Variants in RAB40C observed in about 807,000 individuals in gnomAD.
RAB40C encodes RAB40C, member RAS oncogene family, also known as ras-related protein Rab-40C.
RAB40C carries 8 observed loss-of-function variants against 28.1 expected under a neutral mutation model. The observed-to-expected ratio is 0.28, with a 90% CI of 0.17 to 0.51. The LOEUF (loss-of-function observed/expected upper bound fraction) is 0.51. RAB40C is among the 20% of genes least tolerant of loss of function. The probability of loss-of-function intolerance (pLI) is 0.97; values close to 1 mark genes in which losing one functional copy is unlikely to be tolerated. For synonymous variants in RAB40C, 201 were observed against 171.7 expected, an observed-to-expected ratio of 1.17 and a Z score of -1.34; for missense variants, 288 against 405.9, an observed-to-expected ratio of 0.71 and a Z score of 2.50.
At position 599,996 on chromosome 16, in the gene RAB40C, C is replaced by T. The variant is rs112289264; in HGVS notation, c.142+9563C>T. Among the ~76,000 whole-genome samples, 8 of 128,414 alleles carry T rather than the reference C, an allele frequency of 6.2e-5. No individual in the cohort carries two copies. The South Asian group carries it at 1.1e-3, about 18-fold the overall frequency. The allele number at this position is 128,414 out of a possible 152,430, so 84.2% of individuals were successfully genotyped here. The stretch of plus-strand genomic sequence containing the variant: ...CAGCGTGGATTCGCAAGGTTTTGTT[C>T]CCTCGTGGCATCAGTCAGCGTGGAT... On this transcript the variant is annotated intron_variant, in intron 1 of 5. Transcript: ENST00000248139.
chr16:621,452 G>A (rs1454473677), intron 3 of RAB40C, among the ~76,000 whole-genome samples: 1 of 152,244 alleles, frequency 6.6e-6, no homozygotes, highest in Non-Finnish European at 1.5e-5. Flanking sequence ...CCGCGGCCTG[G>A]GTCTTGCAGA....
At chr16:623,701 C>A (rs1473997446) in intron 3 of RAB40C, among the ~76,000 whole-genome samples, 2 of 151,718 alleles carry the variant, frequency 1.3e-5, no homozygotes, top group African/African-American at 4.8e-5. Context: ...GATCCCAGCA[C>A]TTTAGGAAGT....
In RAB40C at chr16:590,333, G is replaced by T; in HGVS notation, c.42G>T (p.Leu14=). ...GTCCGGTGAAGAGCTACGACTACCT[G>T]CTCAAGTTCCTGCTGGTGGGCGACA... ...QGSPVKSYDY[L]LKFLLVGDSD... is the part of the protein sequence containing the mutation. The change falls in exon 1 of 6, where the codon CTG becomes CTT. Residue 14 remains leucine (L), a synonymous_variant. Transcript: ENST00000248139. 6.3e-7 allele frequency: 1 copy of T among 1,594,876 alleles called. No homozygotes were observed. Among genetic ancestry groups the T allele is most frequent in the Non-Finnish European group, 8.5e-7 (1 of 1,172,580 alleles).
intron 1 of RAB40C, among the ~76,000 whole-genome samples, chr16:606,679 A>C (rs1358936531): frequency 6.6e-6 from 1 of 152,164 alleles, no homozygotes; most frequent in African/African-American, 2.4e-5. Flanking sequence ...GTGCAAGCCG[A>C]GCCTTTCCCG....
chr16:614,865 T>C (rs1372361703), intron 1 of RAB40C, among the ~76,000 whole-genome samples: 1 of 152,038 alleles, frequency 6.6e-6, no homozygotes, highest in Non-Finnish European at 1.5e-5. Context: ...CGCATCCCGA[T>C]GGTGAACTGC....
At chr16:591,217 TCA>T (rs72186889) in intron 1 of RAB40C, among the ~76,000 whole-genome samples, 1,811 of 132,772 alleles carry the variant, frequency 0.014, 41 homozygotes, top group African/African-American at 0.049. Flanking sequence ...GTCTGGGATC[TCA>T]GGGGAAGGTG....
rs190445742 is a variant in RAB40C at position 599,117 on chromosome 16, A to G, written c.142+8684A>G. ...GGACTCTGAACACAAACACAGTGAC[A>G]CTGATCAGGGTTGCCGAGGTGCTGT... is the stretch of plus-strand genomic sequence containing the variant. On this transcript the variant is annotated intron_variant, in intron 1 of 5. Coordinates refer to ENST00000248139, the MANE Select transcript of RAB40C (RefSeq NM_021168.5). 7.2e-5 allele frequency among the ~76,000 whole-genome samples: 11 copies of G among 152,320 alleles called. No individual in the cohort carries two copies. The East Asian group carries it at 1.2e-3, about 16-fold the overall frequency.
intron 1 of RAB40C, among the ~76,000 whole-genome samples, chr16:615,382 A>G (rs1212340117): frequency 6.6e-6 from 1 of 152,218 alleles, no homozygotes; most frequent in Non-Finnish European, 1.5e-5. Context: ...ACACACACAC[A>G]AGCCCACTGG....
At chr16:625,101 C>G in intron 3 of RAB40C, 3 of 1,315,360 alleles carry the variant, frequency 2.3e-6, no homozygotes, top group Non-Finnish European at 3.0e-6. Context: ...TTAGCTTCCA[C>G]AGCTGCACGT....
intron 4 of RAB40C, 101 bp from the exon 5 acceptor site, chr16:625,798 C>T (rs1596418310): frequency 8.2e-7 from 1 of 1,217,710 alleles, no homozygotes. Context: ...CTCCCACGGC[C>T]CTCACCCCAT....
chr16:592,910 T>A (rs55846655), intron 1 of RAB40C, among the ~76,000 whole-genome samples: 26,770 of 152,240 alleles, frequency 0.18, 2,575 homozygotes, highest in South Asian at 0.26. Context: ...ACATGCTCAC[T>A]GAAGTGGGGC....
chr16:618,181 C>T lies in RAB40C; in HGVS notation c.204-19C>T. On this transcript the variant is annotated intron_variant, in intron 2 of 5. Transcript: ENST00000248139. Reference sequence around the variant, plus strand: ...ACAGGGACCACAGTCCCGGCCCCTCCCCTCCCCGTATGTTTCAGGGACACG... The same window carrying T: ...ACAGGGACCACAGTCCCGGCCCCTCTCCTCCCCGTATGTTTCAGGGACACG... The T allele has an allele frequency of 1.9e-6, 3 of 1,610,728 alleles. No individual in the cohort carries two copies. Among genetic ancestry groups the T allele is most frequent in the Non-Finnish European group, 2.5e-6 (3 of 1,178,900 alleles).
At chr16:624,812 T>C (rs2036793604) in intron 3 of RAB40C, 1 of 985,450 alleles carries the variant, frequency 1.0e-6, no homozygotes, top group South Asian at 4.7e-5. Context: ...TGTGCTCCCC[T>C]GTGCTGCTGG....
At chr16:596,878 G>C (rs2036137886) in intron 1 of RAB40C, among the ~76,000 whole-genome samples, 1 of 152,180 alleles carries the variant, frequency 6.6e-6, no homozygotes. Flanking sequence ...GGAGGCTTCT[G>C]AGCCGACCTG....
At chr16:621,048 T>C (rs979482309) in intron 3 of RAB40C, among the ~76,000 whole-genome samples, 12 of 152,348 alleles carry the variant, frequency 7.9e-5, no homozygotes, top group African/African-American at 2.9e-4. Context: ...ACTGGTTATG[T>C]CTTTGTTTTG....
At chr16:622,739 C>T (rs1393724826) in intron 3 of RAB40C, among the ~76,000 whole-genome samples, 5 of 152,220 alleles carry the variant, frequency 3.3e-5, no homozygotes, top group South Asian at 2.1e-4. Context: ...CTCTTGACCT[C>T]GTGATCCGCC....
At chr16:596,253 G>A (rs2036122293) in intron 1 of RAB40C, 11 of 454,184 alleles carry the variant, frequency 2.4e-5, no homozygotes, top group Non-Finnish European at 4.4e-5. Flanking sequence ...AGAGGTGGGC[G>A]GGAAGGACAC....
chr16:608,418 G>A (rs118041986), intron 1 of RAB40C, among the ~76,000 whole-genome samples: 3 of 152,272 alleles, frequency 2.0e-5, no homozygotes, highest in East Asian at 1.9e-4. Context: ...CTCCCACCTC[G>A]TCCTCTGTCC....
At chr16:621,423 G>A (rs1387325350) in intron 3 of RAB40C, among the ~76,000 whole-genome samples, 1 of 152,382 alleles carries the variant, frequency 6.6e-6, no homozygotes, top group East Asian at 1.9e-4. Flanking sequence ...GTTAGAGAGT[G>A]GAGAGGCCTG....
Sources: gnomAD v4.1 joint callset for allele counts (sites outside exome capture counted in the v4.1 genomes callset) on GRCh38, gnomAD v4.1.1 for gene constraint, MANE v1.5 for transcripts, NCBI Gene and HGNC (gene_info 2026-07-23, HGNC 2026-07-21) for gene names.